Variants in VWC2 observed in about 807,000 individuals in gnomAD.
VWC2 encodes von Willebrand factor C domain containing 2.
VWC2 carries 14 observed loss-of-function variants against 29.8 expected under a neutral mutation model. The ratio of observed to expected loss-of-function variants is 0.47; its 90% CI spans 0.31 to 0.74. VWC2 has a LOEUF of 0.74. Among genes scored for constraint, VWC2 ranks in the 30% least tolerant of loss-of-function variants. VWC2 has a pLI of 0.05. For missense variants in VWC2, 457 were observed against 459.8 expected (o/e 0.99, Z 0.05); for synonymous variants, 213 against 199.0 (o/e 1.07, Z -0.59).
At chr7:49,856,365 G>C (rs1203408729) in intron 3 of VWC2, among the ~76,000 whole-genome samples, 1 of 152,164 alleles carries the variant, frequency 6.6e-6, no homozygotes, top group Non-Finnish European at 1.5e-5. Flanking sequence ...CTCTTTCAAC[G>C]TGATATACTG....
chr7:49,905,738 G>T (rs1163501022), intron 3 of VWC2, among the ~76,000 whole-genome samples: 1 of 152,126 alleles, frequency 6.6e-6, no homozygotes, highest in African/African-American at 2.4e-5. Flanking sequence ...GATGGTTAAG[G>T]CATTCTAAGT....
chr7:49,865,694 A>ACACC (rs1175222055), intron 3 of VWC2, among the ~76,000 whole-genome samples: 1 of 152,196 alleles, frequency 6.6e-6, no homozygotes, highest in Non-Finnish European at 1.5e-5. Flanking sequence ...AGTGAAAGTC[A>ACACC]CACCTAAGGG....
At chr7:49,888,400 T>G (rs948195598) in intron 3 of VWC2, among the ~76,000 whole-genome samples, 7 of 152,238 alleles carry the variant, frequency 4.6e-5, no homozygotes, top group Admixed American at 2.6e-4. Context: ...AGGTATGGTA[T>G]AGAGCTACAA....
At position 49,853,172 on chromosome 7, in the gene VWC2, G is replaced by A. The variant is rs10272436; in HGVS notation, c.826+50332G>A. 4.5e-3 allele frequency among the ~76,000 whole-genome samples: 683 copies of A among 152,360 alleles called. 4 individuals carry two copies. Among genetic ancestry groups the A allele is most frequent in the African/African-American group, 0.016 (647 of 41,586 alleles). ...CAGTCACTGGGGTGGACTTGGTTTT[G>A]TTCTGGATCCCAGTTTGAAGGTGAG... On this transcript the variant is annotated intron_variant, in intron 3 of 3. Transcript: ENST00000340652.
chr7:49,898,753 C>T (rs1792536288), intron 3 of VWC2, among the ~76,000 whole-genome samples: 1 of 152,016 alleles, frequency 6.6e-6, no homozygotes, highest in Non-Finnish European at 1.5e-5. Context: ...TCTCATTACC[C>T]ACAAAGTGGT....
intron 3 of VWC2, among the ~76,000 whole-genome samples, chr7:49,837,629 G>A (rs989664623): frequency 6.6e-6 from 1 of 152,108 alleles, no homozygotes; most frequent in African/African-American, 2.4e-5. Context: ...TTTTGTGAGG[G>A]AAAAATTTTA....
intron 3 of VWC2, among the ~76,000 whole-genome samples, chr7:49,845,745 C>A (rs992800199): frequency 5.3e-5 from 8 of 152,176 alleles, no homozygotes; most frequent in African/African-American, 1.9e-4. Flanking sequence ...CTTCCCAGTA[C>A]AAAACAGACA....
chr7:49,819,514 A>C (rs768043341), intron 3 of VWC2, among the ~76,000 whole-genome samples: 3 of 152,214 alleles, frequency 2.0e-5, no homozygotes, highest in Non-Finnish European at 4.4e-5. Context: ...CTGTTTCTTT[A>C]TATTGTAGGG....
chr7:49,791,596 G>C (rs1215902225), intron 2 of VWC2, among the ~76,000 whole-genome samples: 2 of 152,190 alleles, frequency 1.3e-5, no homozygotes, highest in South Asian at 4.2e-4. Context: ...CTTCTGGGAA[G>C]TGACTCAGCT....
At position 49,898,048 on chromosome 7, in the gene VWC2, AG is replaced by A. The variant is rs1222887724; in HGVS notation, c.827-13985del. 6.0e-3 allele frequency among the ~76,000 whole-genome samples: 908 copies of A among 152,322 alleles called. 7 individuals carry two copies. The highest frequency in any genetic ancestry group is 0.02 in the African/African-American group (852 of 41,578). On this transcript the variant is annotated intron_variant, in intron 3 of 3. Transcript: ENST00000340652. ...ATCAGAGCCTAACTGATCTGGGTGA[AG>A]AGAAATACTCAACTTTAGCCCACTA...
chr7:49,850,791 G>A (rs1342770894), intron 3 of VWC2, among the ~76,000 whole-genome samples: 1 of 152,200 alleles, frequency 6.6e-6, no homozygotes, highest in African/African-American at 2.4e-5. Flanking sequence ...CATGGGTACA[G>A]TGAGCTCCGT....
chr7:49,781,677 G>A (rs1017030924), intron 2 of VWC2, among the ~76,000 whole-genome samples: 2 of 152,126 alleles, frequency 1.3e-5, no homozygotes, highest in African/African-American at 4.8e-5. Context: ...TGCGTGTGGT[G>A]GAGAACATTT....
intron 3 of VWC2, among the ~76,000 whole-genome samples, chr7:49,910,956 GAA>G (rs2128742496): frequency 6.6e-6 from 1 of 152,312 alleles, no homozygotes. Context: ...TAATGTATGG[GAA>G]AGTTTGAAAA....
At chr7:49,897,479 G>T (rs2128733182) in intron 3 of VWC2, among the ~76,000 whole-genome samples, 1 of 152,252 alleles carries the variant, frequency 6.6e-6, no homozygotes, top group Non-Finnish European at 1.5e-5. Flanking sequence ...TGCCAAAGTT[G>T]GCTTAGTACT....
chr7:49,865,308 C>G (rs572131660), intron 3 of VWC2, among the ~76,000 whole-genome samples: 1 of 152,286 alleles, frequency 6.6e-6, no homozygotes, highest in East Asian at 1.9e-4. Flanking sequence ...AATAGATTCT[C>G]TCCTATCCAT....
chr7:49,847,243 A>G (rs1483673542), intron 3 of VWC2, among the ~76,000 whole-genome samples: 1 of 148,968 alleles, frequency 6.7e-6, no homozygotes, highest in South Asian at 2.1e-4. Flanking sequence ...TATATATAAT[A>G]TAATATAATT....
intron 3 of VWC2, among the ~76,000 whole-genome samples, chr7:49,893,719 T>G (rs1309796847): frequency 6.6e-6 from 1 of 151,428 alleles, no homozygotes; most frequent in Non-Finnish European, 1.5e-5. Flanking sequence ...CGAAATACAA[T>G]AGATGTTGAT....
chr7:49,911,995 A>G (rs767623830), intron 3 of VWC2, 39 bp from the exon 4 acceptor site: 1 of 1,542,408 alleles, frequency 6.5e-7, no homozygotes, highest in Non-Finnish European at 8.7e-7. Flanking sequence ...TTATATATTT[A>G]TGCACACATA....
intron 3 of VWC2, among the ~76,000 whole-genome samples, chr7:49,854,593 T>C (rs1378629823): frequency 6.6e-6 from 1 of 152,242 alleles, no homozygotes; most frequent in Non-Finnish European, 1.5e-5. Context: ...GTTTGAGTTC[T>C]TTGCAGATTC....
Sources: gnomAD v4.1 joint callset for allele counts (sites outside exome capture counted in the v4.1 genomes callset) on GRCh38, gnomAD v4.1.1 for gene constraint, MANE v1.5 for transcripts, NCBI Gene and HGNC (gene_info 2026-07-23, HGNC 2026-07-21) for gene names.